The following NR2C2 variants were observed in gnomAD, a reference collection of about 807,000 sequenced individuals.
NR2C2 encodes the protein nuclear receptor subfamily 2 group C member 2.
A neutral mutation model predicts 62.9 loss-of-function variants in NR2C2; 6 were observed. The observed-to-expected ratio is 0.10, with a 90% CI of 0.05 to 0.19. NR2C2 has a LOEUF of 0.19. Among genes scored for constraint, NR2C2 ranks in the 10% least tolerant of loss-of-function variants. NR2C2 has a pLI of 1.00. For missense variants in NR2C2, 479 were observed against 762.7 expected (o/e 0.63, Z 4.38); for synonymous variants, 272 against 273.8 (o/e 0.99, Z 0.07).
rs1044192261 is a variant in NR2C2 at position 14,970,811 on chromosome 3, C to T, written c.-40+22905C>T. 4.5e-4 allele frequency among the ~76,000 whole-genome samples: 68 copies of T among 152,250 alleles called. 1 individual carries two copies. Among genetic ancestry groups the T allele is most frequent in the Non-Finnish European group, 1.8e-4 (12 of 68,022 alleles). On this transcript the variant is annotated intron_variant, in intron 1 of 13. Transcript: ENST00000425241. ...ACGTAGGTATACAAGTATCTTGAGTCCCTGCTTTCAGTTATTTTGGGTATA... is the reference window on the plus strand; with the variant it reads ...ACGTAGGTATACAAGTATCTTGAGTTCCTGCTTTCAGTTATTTTGGGTATA...
intron 1 of NR2C2, among the ~76,000 whole-genome samples, chr3:14,952,361 G>C (rs568164429): frequency 6.6e-6 from 1 of 152,320 alleles, no homozygotes; most frequent in South Asian, 2.1e-4. Context: ...CACATATCGA[G>C]GGCCCTCCGT....
At chr3:14,994,827 A>C (rs2124867983) in intron 1 of NR2C2, among the ~76,000 whole-genome samples, 1 of 149,244 alleles carries the variant, frequency 6.7e-6, no homozygotes, top group East Asian at 2.1e-4. Context: ...AGACAGGAGG[A>C]TCGCTTGAGC....
rs917606602 is a variant in NR2C2 at position 15,016,095 on chromosome 3, C to T, written c.274-57C>T. On this transcript the variant is annotated intron_variant, in intron 3 of 13. Coordinates refer to ENST00000425241, the MANE Select transcript of NR2C2 (RefSeq NM_001291694.2). ...GGGATTATAGACGTGAGCCACCGTGCCCGGCAGTGATTTGATTTTTAATTG... is the reference window on the plus strand; with the variant it reads ...GGGATTATAGACGTGAGCCACCGTGTCCGGCAGTGATTTGATTTTTAATTG... 3.0e-6 allele frequency: 4 copies of T among 1,351,712 alleles called. No homozygotes were observed. In the African/African-American group the frequency reaches 4.3e-5, roughly 14 times the overall value. 83.7% of individuals were successfully genotyped at this position (1,351,712 alleles called of 1,614,324 possible). A position where few individuals can be genotyped will look rare whatever the true frequency, so the allele number is the denominator to read the frequency against.
intron 2 of NR2C2, chr3:15,004,481 C>G: frequency 7.4e-7 from 1 of 1,353,774 alleles, no homozygotes; most frequent in Non-Finnish European, 1.0e-6. Flanking sequence ...TCAATATTTA[C>G]TAATTATATA....
At position 15,048,648 on chromosome 3, in the gene NR2C2, A is replaced by G. The variant is rs1391830477; in HGVS notation, c.*5640A>G. On this transcript the variant is annotated 3_prime_UTR_variant, in exon 14 of 14. Coordinates refer to ENST00000425241, the MANE Select transcript of NR2C2 (RefSeq NM_001291694.2). ...AGTATAATCAATTATTTTAATGACC[A>G]TAGCATTCATGGACTCAAATGCTGC... is the stretch of plus-strand genomic sequence containing the variant. 5 of 152,704 alleles carry G rather than the reference A, an allele frequency of 3.3e-5. No homozygotes were observed. The highest frequency in any genetic ancestry group is 1.2e-4 in the African/African-American group (5 of 41,470). 9.5% of individuals were successfully genotyped at this position (152,704 alleles called of 1,614,324 possible). A position where few individuals can be genotyped will look rare whatever the true frequency, so the allele number is the denominator to read the frequency against.
At chr3:14,977,066 C>A (rs1214501141) in intron 1 of NR2C2, among the ~76,000 whole-genome samples, 1 of 151,906 alleles carries the variant, frequency 6.6e-6, no homozygotes, top group East Asian at 1.9e-4. Flanking sequence ...TAATTTCTTC[C>A]CTCAGTTTTT....
intron 11 of NR2C2, 149 bp from the exon 12 acceptor site, chr3:15,037,851 T>C: frequency 1.2e-6 from 1 of 847,378 alleles, no homozygotes; most frequent in Non-Finnish European, 1.8e-6. Context: ...CATCTGCAGC[T>C]GGAAAATGAA....
chr3:14,995,068 C>T (rs192472776), intron 1 of NR2C2, among the ~76,000 whole-genome samples: 1 of 145,314 alleles, frequency 6.9e-6, no homozygotes, highest in African/African-American at 2.6e-5. Context: ...GCAGCCTTGA[C>T]CCTCCGGTCG....
At chr3:15,023,746 A>G (rs1440808808) in intron 6 of NR2C2, among the ~76,000 whole-genome samples, 2 of 152,178 alleles carry the variant, frequency 1.3e-5, no homozygotes, top group Non-Finnish European at 1.5e-5. Context: ...AAAGGAACGG[A>G]AAGAGGGGAA....
chr3:14,949,771 T>G (rs1018893597), intron 1 of NR2C2, among the ~76,000 whole-genome samples: 1 of 152,242 alleles, frequency 6.6e-6, no homozygotes, highest in Admixed American at 6.5e-5. Flanking sequence ...ATTTATTTAT[T>G]TATTTATTTT....
chr3:14,980,139 C>G (rs1559542589), intron 1 of NR2C2, among the ~76,000 whole-genome samples: 1 of 151,858 alleles, frequency 6.6e-6, no homozygotes, highest in Non-Finnish European at 1.5e-5. Flanking sequence ...GATTCCTACT[C>G]TTTTCCGGCA....
chr3:14,983,110 T>C (rs904934500), intron 1 of NR2C2, among the ~76,000 whole-genome samples: 3 of 152,206 alleles, frequency 2.0e-5, no homozygotes, highest in East Asian at 1.9e-4. Context: ...CTTTGTGTTA[T>C]GAACATTCCA....
chr3:15,024,103 T>C lies in NR2C2; in HGVS notation c.705-12T>C. ...TTGGAAGCTACTCTGAGTTTCTTTA[T>C]GTCTTAAATAGACAAACAGGTCTTC... On this transcript the variant is annotated splice_polypyrimidine_tract_variant and intron_variant, in intron 6 of 13. Transcript: ENST00000425241. 2 of 1,596,136 alleles carry C rather than the reference T, an allele frequency of 1.3e-6. No individual in the cohort carries two copies. Among genetic ancestry groups the C allele is most frequent in the African/African-American group, 1.3e-5 (1 of 74,576 alleles).
chr3:15,047,552 G>C lies in NR2C2; in HGVS notation c.*4544G>C, dbSNP rs113435941. Reference sequence around the variant, plus strand: ...TGAGTAGCCCAGAGACAGGCGTCACGGTCAGAGATTCAGAACGGTCTGTGT... The same window carrying C: ...TGAGTAGCCCAGAGACAGGCGTCACCGTCAGAGATTCAGAACGGTCTGTGT... On this transcript the variant is annotated 3_prime_UTR_variant, in exon 14 of 14. Transcript: ENST00000425241. The C allele has an allele frequency of 6.6e-6, 1 of 152,198 alleles. No homozygotes were observed. Among genetic ancestry groups the C allele is most frequent in the South Asian group, 2.1e-4 (1 of 4,836 alleles). 9.4% of individuals were successfully genotyped at this position (152,198 alleles called of 1,614,324 possible).
intron 10 of NR2C2, among the ~76,000 whole-genome samples, chr3:15,034,137 G>A (rs2042047271): frequency 6.6e-6 from 1 of 152,256 alleles, no homozygotes; most frequent in South Asian, 2.1e-4. Flanking sequence ...CTGACTAACT[G>A]AGTAGAAGTT....
chr3:14,994,439 CTTTT>C (rs4038325), intron 1 of NR2C2, among the ~76,000 whole-genome samples: 4 of 89,584 alleles, frequency 4.5e-5, no homozygotes, highest in Non-Finnish European at 6.3e-5. Flanking sequence ...TTTATTCATT[CTTTT>C]TTTTTTTTTT....
At chr3:14,973,231 CTA>C (rs2125299500) in intron 1 of NR2C2, among the ~76,000 whole-genome samples, 1 of 152,092 alleles carries the variant, frequency 6.6e-6, no homozygotes, top group African/African-American at 2.4e-5. Flanking sequence ...AGATTTTCCT[CTA>C]TGATTTTTTT....
chr3:14,978,296 C>T (rs188531512), intron 1 of NR2C2, among the ~76,000 whole-genome samples: 93 of 152,204 alleles, frequency 6.1e-4, no homozygotes, highest in Non-Finnish European at 1.1e-3. Flanking sequence ...ATAGCTTAGT[C>T]GAACATACCT....
At chr3:15,025,378 A>G (rs2041795768) in intron 7 of NR2C2, among the ~76,000 whole-genome samples, 1 of 152,210 alleles carries the variant, frequency 6.6e-6, no homozygotes, top group Non-Finnish European at 1.5e-5. Context: ...CTTGGTACAC[A>G]GTGAGCATTC....
Sources: gnomAD v4.1 joint callset for allele counts (sites outside exome capture counted in the v4.1 genomes callset) on GRCh38, gnomAD v4.1.1 for gene constraint, MANE v1.5 for transcripts, NCBI Gene and HGNC (gene_info 2026-07-23, HGNC 2026-07-21) for gene names.